ZYG11B: variants seen among roughly 807,000 people sequenced by gnomAD.
The protein encoded by ZYG11B is zyg-11 family member B, cell cycle regulator, also known as protein zyg-11 homolog B.
A neutral mutation model predicts 82.4 loss-of-function variants in ZYG11B; 36 were observed. The observed-to-expected ratio is 0.44, with a 90% CI of 0.33 to 0.58. The LOEUF (loss-of-function observed/expected upper bound fraction) is 0.58, where lower values mean the gene tolerates loss of function less well. Ranked by LOEUF, ZYG11B falls within the 20% of genes least tolerant of loss-of-function variation. The pLI, the probability that ZYG11B is intolerant of heterozygous loss-of-function variation, is 0.02. For missense variants in ZYG11B, 552 were observed against 895.6 expected, an observed-to-expected ratio of 0.62 and a Z score of 4.90; for synonymous variants, 303 against 312.8, an observed-to-expected ratio of 0.97 and a Z score of 0.33.
intron 1 of ZYG11B, among the ~76,000 whole-genome samples, chr1:52,749,465 A>G (rs896953357): frequency 6.6e-6 from 1 of 152,080 alleles, no homozygotes; most frequent in Non-Finnish European, 1.5e-5. Context: ...AAGTGTTTAT[A>G]CTTTATAGGT....
chr1:52,805,451 G>C (rs1395526591), intron 10 of ZYG11B: 1 of 455,796 alleles, frequency 2.2e-6, no homozygotes, highest in Non-Finnish European at 4.4e-6. Flanking sequence ...ATAAATTACA[G>C]CATTTGATTG....
At chr1:52,729,447 TGAG>T (rs1225527567) in intron 1 of ZYG11B, among the ~76,000 whole-genome samples, 2 of 152,130 alleles carry the variant, frequency 1.3e-5, no homozygotes, top group African/African-American at 2.4e-5. Context: ...ATGGGAGAGG[TGAG>T]GAGAAGGCAG....
At chr1:52,801,749 G>A in intron 8 of ZYG11B, 70 bp from the exon 9 acceptor site, 1 of 1,312,204 alleles carries the variant, frequency 7.6e-7, no homozygotes, top group African/African-American at 1.5e-5. Flanking sequence ...TGGACTTGGG[G>A]TTATTAATCA....
intron 10 of ZYG11B, 128 bp from the exon 11 acceptor site, chr1:52,813,408 C>A: frequency 1.4e-6 from 1 of 715,664 alleles, no homozygotes; most frequent in Non-Finnish European, 2.2e-6. Context: ...CATTTGAATA[C>A]TTTCTCTCAG....
At chr1:52,734,323 G>T (rs184838653) in intron 1 of ZYG11B, among the ~76,000 whole-genome samples, 2 of 152,048 alleles carry the variant, frequency 1.3e-5, no homozygotes, top group Non-Finnish European at 2.9e-5. Context: ...ATGTGAGCCT[G>T]TAGATGAATT....
At chr1:52,776,229 A>AAAAATATATATATATATATATAT in intron 3 of ZYG11B, among the ~76,000 whole-genome samples, 4 of 23,534 alleles carry the variant, frequency 1.7e-4, no homozygotes, top group Non-Finnish European at 4.6e-4. Flanking sequence ...TAAAAAAAAA[A>AAAAATATATATATATATATATAT]ATATATATAT....
At chr1:52,772,343 C>A in intron 3 of ZYG11B, 1 of 1,500,272 alleles carries the variant, frequency 6.7e-7, no homozygotes, top group South Asian at 1.1e-5. Flanking sequence ...CTGTTCCTCT[C>A]AAGATGCTTT....
chr1:52,813,978 C>A, intron 12 of ZYG11B, 66 bp downstream of exon 12: 2 of 1,461,832 alleles, frequency 1.4e-6, no homozygotes, highest in Non-Finnish European at 1.9e-6. Flanking sequence ...AAGAGTCATT[C>A]CTACTAGATG....
In ZYG11B at chr1:52,823,336, A is replaced by C. The variant is rs1333570040; in HGVS notation, c.*1707A>C. On this transcript the variant is annotated 3_prime_UTR_variant, in exon 14 of 14. Coordinates refer to ENST00000294353, the MANE Select transcript of ZYG11B (RefSeq NM_024646.3). ...TTTTAAATTAGCTGGGTGTGGTGGC[A>C]CCTGGGAAACAGAGCGAGACGCTGA... 6.6e-6 allele frequency: 1 copy of C among 151,826 alleles called. No individual in the cohort carries two copies. Among genetic ancestry groups the C allele is most frequent in the African/African-American group, 2.4e-5 (1 of 41,356 alleles). 9.4% of individuals were successfully genotyped at this position (151,826 alleles called of 1,614,324 possible). A position where few individuals can be genotyped will look rare whatever the true frequency, so the allele number is the denominator to read the frequency against.
At chr1:52,783,882 A>ATGTACATACAAGTGTGTGTG (rs74208826) in intron 4 of ZYG11B, among the ~76,000 whole-genome samples, 1 of 126,012 alleles carries the variant, frequency 7.9e-6, no homozygotes. Context: ...ACGTGTGTGT[A>ATGTACATACAAGTGTGTGTG]TATGTACATA....
At chr1:52,740,814 C>T (rs1405938760) in intron 1 of ZYG11B, among the ~76,000 whole-genome samples, 1 of 150,408 alleles carries the variant, frequency 6.6e-6, no homozygotes, top group Non-Finnish European at 1.5e-5. Flanking sequence ...ATCTGCTCAC[C>T]TTGGCCTTCC....
intron 3 of ZYG11B, 71 bp from the exon 4 acceptor site, chr1:52,779,782 G>C (rs776001707): frequency 9.5e-6 from 15 of 1,583,596 alleles, no homozygotes; most frequent in Admixed American, 1.8e-5. Flanking sequence ...GAGCCACCGC[G>C]CCTGGCCACA....
At chr1:52,756,160 C>T (rs528947394) in intron 1 of ZYG11B, among the ~76,000 whole-genome samples, 5 of 152,280 alleles carry the variant, frequency 3.3e-5, no homozygotes, top group South Asian at 2.1e-4. Flanking sequence ...TGAGGTCTTC[C>T]GCTCACCATC....
chr1:52,740,164 C>T lies in ZYG11B; in HGVS notation c.30+13481C>T, dbSNP rs569356450. 3.9e-5 allele frequency among the ~76,000 whole-genome samples: 6 copies of T among 152,292 alleles called. No homozygotes were observed. The South Asian group carries it at 1.2e-3, about 32-fold the overall frequency. On this transcript the variant is annotated intron_variant, in intron 1 of 13. Coordinates refer to ENST00000294353, the MANE Select transcript of ZYG11B (RefSeq NM_024646.3). ...TATTGTAGGTAACAGGAAAATAGTG[C>T]TAAAGTATCTCTTTGAGTGGACAAT...
intron 10 of ZYG11B, among the ~76,000 whole-genome samples, chr1:52,810,194 T>G (rs1388445475): frequency 6.6e-6 from 1 of 152,184 alleles, no homozygotes; most frequent in Non-Finnish European, 1.5e-5. Context: ...TCCTGAGGAC[T>G]CTACCCAGTG....
chr1:52,772,192 A>G (rs771578449), intron 3 of ZYG11B: 347 of 1,472,626 alleles, frequency 2.4e-4, no homozygotes, highest in Non-Finnish European at 3.0e-4. Context: ...ACACAGACAA[A>G]TTTATGCGAC....
chr1:52,797,429 A>G (rs1370094909), intron 8 of ZYG11B, among the ~76,000 whole-genome samples: 1 of 118,410 alleles, frequency 8.4e-6, no homozygotes, highest in Non-Finnish European at 1.6e-5. Context: ...TATACATATT[A>G]TATATAACAT....
chr1:52,770,320 A>G (rs775390356), intron 2 of ZYG11B, among the ~76,000 whole-genome samples: 32 of 152,016 alleles, frequency 2.1e-4, no homozygotes, highest in Admixed American at 3.9e-4. Context: ...CGCTTTAATA[A>G]GGTTTGAGAT....
chr1:52,733,354 T>A (rs1644350399), intron 1 of ZYG11B, among the ~76,000 whole-genome samples: 1 of 152,112 alleles, frequency 6.6e-6, no homozygotes, highest in Non-Finnish European at 1.5e-5. Flanking sequence ...TTTCCAAGAG[T>A]ATATTTTTTG....
Sources: gnomAD v4.1 joint callset for allele counts (sites outside exome capture counted in the v4.1 genomes callset) on GRCh38, gnomAD v4.1.1 for gene constraint, MANE v1.5 for transcripts, NCBI Gene and HGNC (gene_info 2026-07-23, HGNC 2026-07-21) for gene names.